The following SCEL variants were observed in gnomAD, a reference collection of about 807,000 sequenced individuals.
SCEL encodes the protein sciellin.
A neutral mutation model predicts 117.6 loss-of-function variants in SCEL; 113 were observed. That is an observed-to-expected ratio of 0.96 (90% CI 0.83 to 1.12). The LOEUF is 1.12. Among genes scored for constraint, SCEL ranks in the 50% most tolerant of loss-of-function variants. The pLI is 0.00. For missense variants in SCEL, 785 were observed against 810.8 expected, an observed-to-expected ratio of 0.97 and a Z score of 0.39; for synonymous variants, 270 against 256.2, an observed-to-expected ratio of 1.05 and a Z score of -0.51.
chr13:77,555,314 C>A (rs2084591082), intron 1 of SCEL, among the ~76,000 whole-genome samples: 1 of 152,150 alleles, frequency 6.6e-6, no homozygotes, highest in African/African-American at 2.4e-5. Flanking sequence ...CCTAAAATCA[C>A]CAGTGTTTCT....
chr13:77,561,254 C>T (rs76805932), intron 4 of SCEL, among the ~76,000 whole-genome samples: 114 of 152,302 alleles, frequency 7.5e-4, no homozygotes, highest in African/African-American at 2.6e-3. Context: ...GTGTGAAATA[C>T]GCTTCATATT....
intron 27 of SCEL, among the ~76,000 whole-genome samples, chr13:77,624,892 G>T (rs2089649066): frequency 6.6e-6 from 1 of 152,090 alleles, no homozygotes; most frequent in African/African-American, 2.4e-5. Flanking sequence ...GGTTGTAAGA[G>T]GTTTCCCCAA....
intron 15 of SCEL, among the ~76,000 whole-genome samples, chr13:77,600,329 A>G (rs1452760879): frequency 6.6e-6 from 1 of 151,896 alleles, no homozygotes; most frequent in Non-Finnish European, 1.5e-5. Flanking sequence ...GTGTTTTACC[A>G]TGTTGGCCAG....
At position 77,599,830 on chromosome 13, in the gene SCEL, A is replaced by C. The variant is rs1354843805; in HGVS notation, c.917+82A>C. ...CTGGAGGAGACCTCCTGCTTAGTACAAGGGTCAGGCAGGCTGGTGGAATAA... is the reference window on the plus strand; with the variant it reads ...CTGGAGGAGACCTCCTGCTTAGTACCAGGGTCAGGCAGGCTGGTGGAATAA... On this transcript the variant is annotated intron_variant, in intron 15 of 32. Coordinates refer to ENST00000349847, the MANE Select transcript of SCEL (RefSeq NM_144777.3). The C allele has an allele frequency of 3.1e-6, 3 of 974,316 alleles. No individual in the cohort carries two copies. The African/African-American group carries it at 4.8e-5, about 16-fold the overall frequency. 60.4% of individuals were successfully genotyped at this position (974,316 alleles called of 1,614,324 possible).
At chr13:77,590,461 T>A (rs1005832116) in intron 10 of SCEL, among the ~76,000 whole-genome samples, 1 of 152,106 alleles carries the variant, frequency 6.6e-6, no homozygotes, top group Non-Finnish European at 1.5e-5. Flanking sequence ...TTCCTCTAAC[T>A]CTTCTAGTAT....
rs140567953 is a variant in SCEL, at chr13:77,596,270, T to G, written c.753-1275T>G. On this transcript the variant is annotated intron_variant, in intron 12 of 32. Coordinates refer to ENST00000349847, the MANE Select transcript of SCEL (RefSeq NM_144777.3). Reference sequence around the variant, plus strand: ...ATTGCTTGAACCTGGGAGGCGGAGGTTGCAGTGAGCCAAGATCATGCCATT... The same window carrying G: ...ATTGCTTGAACCTGGGAGGCGGAGGGTGCAGTGAGCCAAGATCATGCCATT... Among the ~76,000 whole-genome samples the G allele has an allele frequency of 9.1e-3, 1,390 of 152,012 alleles. 28 individuals carry two copies. Among genetic ancestry groups the G allele is most frequent in the African/African-American group, 0.031 (1,284 of 41,426 alleles).
Position 77,546,356 on chromosome 13 carries a change from T to A in SCEL, c.-19-9501T>A, listed in dbSNP as rs576354767. ...GGTGTTGCAGTCACACAGACCTAAC[T>A]GCAGTTTCTGATTCTTCCTCTAACT... is the stretch of plus-strand genomic sequence containing the variant. On this transcript the variant is annotated intron_variant, in intron 1 of 32. Transcript: ENST00000349847. Among the ~76,000 whole-genome samples, 5 of 152,330 alleles carry A rather than the reference T, an allele frequency of 3.3e-5. 1 individual carries two copies. The South Asian group carries it at 6.2e-4, about 19-fold the overall frequency.
chr13:77,642,898 A>T, intron 32 of SCEL, 90 bp downstream of exon 32: 1 of 628,378 alleles, frequency 1.6e-6, no homozygotes, highest in Non-Finnish European at 2.7e-6. Context: ...ATAAAGTAAA[A>T]CATTTTACTA....
intron 8 of SCEL, among the ~76,000 whole-genome samples, chr13:77,569,700 T>C (rs2085486238): frequency 6.6e-6 from 1 of 152,220 alleles, no homozygotes; most frequent in Non-Finnish European, 1.5e-5. Flanking sequence ...TGAGGTAGCA[T>C]GTTTCATGGA....
chr13:77,595,557 G>A (rs2087175417), intron 12 of SCEL, among the ~76,000 whole-genome samples: 1 of 152,128 alleles, frequency 6.6e-6, no homozygotes, highest in Admixed American at 6.5e-5. Flanking sequence ...TCCAAATCCT[G>A]ATAATCTCAT....
At chr13:77,570,247 TCAA>T (rs2085519443) in intron 8 of SCEL, among the ~76,000 whole-genome samples, 1 of 152,222 alleles carries the variant, frequency 6.6e-6, no homozygotes, top group African/African-American at 2.4e-5. Context: ...GTTTTTTCCT[TCAA>T]CAAAATTCTG....
At chr13:77,556,419 A>T (rs551953711) in intron 2 of SCEL, among the ~76,000 whole-genome samples, 177 bp from the exon 3 acceptor site, 3 of 152,072 alleles carry the variant, frequency 2.0e-5, no homozygotes, top group East Asian at 3.9e-4. Flanking sequence ...ATCTTTGGTG[A>T]TGGGGTGTGG....
chr13:77,568,172 GCTTT>G (rs2085390024), intron 6 of SCEL, 119 bp from the exon 7 acceptor site: 1 of 639,586 alleles, frequency 1.6e-6, no homozygotes, highest in South Asian at 1.9e-5. Flanking sequence ...AAAATATGAT[GCTTT>G]CTATTTCTTT....
intron 27 of SCEL, among the ~76,000 whole-genome samples, chr13:77,620,481 T>C (rs2089348000): frequency 6.6e-6 from 1 of 152,214 alleles, no homozygotes; most frequent in Admixed American, 6.5e-5. Flanking sequence ...CAGCTGTATA[T>C]TTAATTCACA....
intron 9 of SCEL, among the ~76,000 whole-genome samples, chr13:77,572,930 C>T (rs1378731313): frequency 1.3e-5 from 2 of 152,144 alleles, no homozygotes; most frequent in Non-Finnish European, 2.9e-5. Flanking sequence ...ACAGGGGTTC[C>T]AATGTGGGCT....
chr13:77,604,271 C>T, intron 18 of SCEL, 85 bp from the exon 19 acceptor site: 1 of 783,778 alleles, frequency 1.3e-6, no homozygotes, highest in Non-Finnish European at 2.0e-6. Context: ...GTATATTTAC[C>T]ACTTCTTAAT....
chr13:77,637,249 CACATAT>C (rs1049337698), intron 30 of SCEL, 55 bp downstream of exon 30: 24 of 564,886 alleles, frequency 4.2e-5, no homozygotes, highest in Admixed American at 1.5e-4. Context: ...GACACACACA[CACATAT>C]ATATATATAT....
chr13:77,614,594 C>T (rs1214881026), intron 24 of SCEL, among the ~76,000 whole-genome samples: 1 of 151,904 alleles, frequency 6.6e-6, no homozygotes, highest in Non-Finnish European at 1.5e-5. Flanking sequence ...TTACGATTTC[C>T]CCTTTTAAGT....
intron 18 of SCEL, among the ~76,000 whole-genome samples, chr13:77,603,711 C>G (rs117778740): frequency 3.9e-5 from 6 of 152,080 alleles, no homozygotes; most frequent in Admixed American, 1.3e-4. Context: ...AATGGGGTGG[C>G]CTGTGTCCCC....
Sources: gnomAD v4.1 joint callset for allele counts (sites outside exome capture counted in the v4.1 genomes callset) on GRCh38, gnomAD v4.1.1 for gene constraint, MANE v1.5 for transcripts, NCBI Gene and HGNC (gene_info 2026-07-23, HGNC 2026-07-21) for gene names.